The following VAV1 variants were observed in gnomAD, a reference collection of about 807,000 sequenced individuals.
The protein encoded by VAV1 is proto-oncogene vav.
A neutral mutation model predicts 128.1 loss-of-function variants in VAV1; 33 were observed. The observed-to-expected ratio is 0.26, with a 90% CI of 0.20 to 0.34. The LOEUF is 0.34. Ranked by LOEUF, VAV1 falls within the 10% of genes least tolerant of loss-of-function variation. VAV1 has a pLI of 1.00. For synonymous variants in VAV1, 394 were observed against 409.8 expected (o/e 0.96, Z 0.47); for missense variants, 715 against 1,093.7 (o/e 0.65, Z 4.88).
chr19:6,838,295 TTATCTATCTATCTATC>T (rs57869416), intron 21 of VAV1, among the ~76,000 whole-genome samples: 44 of 145,682 alleles, frequency 3.0e-4, no homozygotes, highest in Admixed American at 1.9e-3. Context: ...CATCTACATA[TTATCTATCTATCTATC>T]TATCTATCTA....
intron 1 of VAV1, among the ~76,000 whole-genome samples, chr19:6,789,826 T>C (rs915058570): frequency 6.6e-6 from 1 of 151,368 alleles, no homozygotes; most frequent in African/African-American, 2.4e-5. Context: ...CTGGAACTCC[T>C]GACCTCAAGT....
Position 6,825,065 on chromosome 19 carries a change from C to G in VAV1, c.667C>G (p.Pro223Ala). ...LGSIQQHFLK[P>A]LQRFLKPQDI... ...CCCTTCCCCGCAGCATTTCTTGAAGCCCCTGCAACGGTTCCTGAAACCTCA... is the reference window on the plus strand; with the variant it reads ...CCCTTCCCCGCAGCATTTCTTGAAGGCCCTGCAACGGTTCCTGAAACCTCA... Residue 223 changes from proline (P) to alanine (A), a missense_variant, in exon 7 of 27, where the codon CCC becomes GCC. Physicochemically the swap from Pro to Ala is conservative, Grantham distance 27. Transcript: ENST00000602142. 2.5e-6 allele frequency: 4 copies of G among 1,613,804 alleles called. No homozygotes were observed. The highest frequency in any genetic ancestry group is 1.1e-5 in the South Asian group (1 of 91,062).
chr19:6,829,919 G>A lies in VAV1; in HGVS notation c.1398+1G>A. On this transcript the variant is annotated splice_donor_variant, in intron 14 of 26. Coordinates refer to ENST00000602142, the MANE Select transcript of VAV1 (RefSeq NM_005428.4). LOFTEE classifies it high-confidence loss of function. ...TTCAGGAGACCGAGACAACAAGAAG[G>A]TGGGGCTTTGACGCCGGAACTATGG... 6.2e-7 allele frequency: 1 copy of A among 1,614,122 alleles called. No individual in the cohort carries two copies. The highest frequency in any genetic ancestry group is 8.5e-7 in the Non-Finnish European group (1 of 1,180,032).
At position 6,826,608 on chromosome 19, in the gene VAV1, G is replaced by A. The variant is rs781150286; in HGVS notation, c.828-4G>A. On this transcript the variant is annotated splice_polypyrimidine_tract_variant and splice_region_variant and intron_variant, in intron 8 of 26. Transcript: ENST00000602142. The surrounding 1 kb of genome is among the most constrained non-coding windows in gnomAD (Gnocchi z 4.1). ...TTACCTGGTGGCCTGTCTTCTCCCT[G>A]TAGGTTCCTCGTCTATGGCCGCTAC... 7 of 1,551,972 alleles carry A rather than the reference G, an allele frequency of 4.5e-6. No homozygotes were observed. The South Asian group carries it at 8.3e-5, about 18-fold the overall frequency.
chr19:6,774,167 A>G (rs928051339), intron 1 of VAV1, among the ~76,000 whole-genome samples: 1 of 152,062 alleles, frequency 6.6e-6, no homozygotes, highest in African/African-American at 2.4e-5. Context: ...TCACTCTGTC[A>G]CGCAGGCTGG....
intron 26 of VAV1, among the ~76,000 whole-genome samples, chr19:6,855,119 T>C (rs1361325748): frequency 2.0e-5 from 3 of 152,214 alleles, no homozygotes; most frequent in African/African-American, 4.8e-5. Context: ...CTTTATTTCA[T>C]CCACTGATGA....
intron 1 of VAV1, chr19:6,784,078 G>C (rs1378339693): frequency 7.2e-6 from 3 of 414,598 alleles, no homozygotes; most frequent in African/African-American, 6.1e-5. Context: ...ACATACCAAG[G>C]TCCCGTCTCT....
At chr19:6,800,458 T>C (rs1971240765) in intron 1 of VAV1, among the ~76,000 whole-genome samples, 1 of 151,386 alleles carries the variant, frequency 6.6e-6, no homozygotes, top group African/African-American at 2.4e-5. Context: ...TACAGGCGTG[T>C]TCCACCACAC....
chr19:6,846,705 T>A (rs889614878), intron 22 of VAV1, among the ~76,000 whole-genome samples: 6 of 147,960 alleles, frequency 4.1e-5, no homozygotes, highest in African/African-American at 1.5e-4. Context: ...TTCCATGTAA[T>A]ATAAATATTA....
chr19:6,852,652 C>A (rs1348354271), intron 24 of VAV1, among the ~76,000 whole-genome samples: 1 of 150,818 alleles, frequency 6.6e-6, no homozygotes, highest in Non-Finnish European at 1.5e-5. Context: ...ACCCTGGAGG[C>A]GGAGCTTGCA....
intron 24 of VAV1, among the ~76,000 whole-genome samples, chr19:6,852,669 C>T (rs1280666489): frequency 6.6e-6 from 1 of 150,900 alleles, no homozygotes; most frequent in East Asian, 1.9e-4. Flanking sequence ...TGCAGTGAGC[C>T]GAGATTGCGC....
chr19:6,851,265 C>T (rs7257559), intron 24 of VAV1, among the ~76,000 whole-genome samples: 3,441 of 152,064 alleles, frequency 0.023, 142 homozygotes, highest in African/African-American at 0.079. Flanking sequence ...GCCTCAAATT[C>T]CTGGTTTAAA....
chr19:6,778,873 A>G (rs373014650), intron 1 of VAV1, among the ~76,000 whole-genome samples: 352 of 148,312 alleles, frequency 2.4e-3, no homozygotes, highest in African/African-American at 8.4e-3. Context: ...CCCCGTCTCT[A>G]CTTTTTTTTT....
chr19:6,855,813 C>T (rs1244755416), intron 26 of VAV1, among the ~76,000 whole-genome samples: 1 of 140,466 alleles, frequency 7.1e-6, no homozygotes, highest in Non-Finnish European at 1.5e-5. Context: ...ATCTATCTAT[C>T]TATCTATCTA....
intron 15 of VAV1, among the ~76,000 whole-genome samples, chr19:6,832,559 C>CT (rs1211362798): frequency 9.3e-5 from 12 of 129,710 alleles, no homozygotes; most frequent in Non-Finnish European, 1.2e-4. Context: ...TCCTCCTCCT[C>CT]TCCTTCCTCC....
intron 14 of VAV1, among the ~76,000 whole-genome samples, chr19:6,830,955 G>T (rs1329350603): frequency 1.3e-5 from 2 of 152,080 alleles, no homozygotes; most frequent in Admixed American, 6.5e-5. Flanking sequence ...AGCTGGGCTT[G>T]GTGGCACATG....
At chr19:6,802,572 A>G (rs2144733427) in intron 1 of VAV1, among the ~76,000 whole-genome samples, 1 of 152,122 alleles carries the variant, frequency 6.6e-6, no homozygotes, top group African/African-American at 2.4e-5. Context: ...GGTTCAGCTG[A>G]TCTCCCTGAG....
At chr19:6,811,289 G>T (rs2144749351) in intron 1 of VAV1, among the ~76,000 whole-genome samples, 1 of 152,234 alleles carries the variant, frequency 6.6e-6, no homozygotes, top group African/African-American at 2.4e-5. Context: ...ACCCTCTTCG[G>T]CCTCCCATAG....
At chr19:6,791,219 T>C (rs535715353) in intron 1 of VAV1, among the ~76,000 whole-genome samples, 22 of 152,228 alleles carry the variant, frequency 1.4e-4, no homozygotes, top group Admixed American at 1.3e-3. Flanking sequence ...TATCTCCTCA[T>C]CTTGAGGTCC....
Sources: allele counts gnomAD v4.1 joint callset (sites outside exome capture counted in the v4.1 genomes callset), GRCh38; gene constraint gnomAD v4.1.1; non-coding constraint Gnocchi (gnomAD v3.1); transcripts MANE v1.5; gene names NCBI Gene and HGNC (gene_info 2026-07-23, HGNC 2026-07-21).